FAM151B: variants seen among roughly 807,000 people sequenced by gnomAD.
FAM151B encodes the protein family with sequence similarity 151 member B.
FAM151B carries 24 observed loss-of-function variants against 31.2 expected under a neutral mutation model. That is an observed-to-expected ratio of 0.77 (90% CI 0.56 to 1.08). FAM151B has a LOEUF of 1.08. Among genes scored for constraint, FAM151B ranks in the 50% least tolerant of loss-of-function variants. The pLI, the probability that FAM151B is intolerant of heterozygous loss-of-function variation, is 0.00. For synonymous variants in FAM151B, 105 were observed against 111.4 expected (o/e 0.94, Z 0.36); for missense variants, 293 against 328.6 (o/e 0.89, Z 0.84).
Position 80,488,166 on chromosome 5 carries a change from G to A in FAM151B, c.25+18G>A. The A allele has an allele frequency of 1.3e-6, 2 of 1,540,640 alleles. No individual in the cohort carries two copies. Among genetic ancestry groups the A allele is most frequent in the South Asian group, 1.2e-5 (1 of 83,774 alleles). ...AGGCCCAGGTAAGCGCCGAGCGCGC[G>A]GCCTCTGCCTGGAGGTGGGGCGCTT... On this transcript the variant is annotated intron_variant, in intron 1 of 5. Transcript: ENST00000282226.
chr5:80,534,385 A>G (rs1387689496), intron 5 of FAM151B, among the ~76,000 whole-genome samples: 4 of 152,222 alleles, frequency 2.6e-5, no homozygotes, highest in Non-Finnish European at 5.9e-5. Context: ...GAATTCACCA[A>G]TACATTAAAA....
At chr5:80,538,398 T>TTC (rs1745628345) in intron 5 of FAM151B, among the ~76,000 whole-genome samples, 2 of 52,194 alleles carry the variant, frequency 3.8e-5, no homozygotes, top group African/African-American at 1.0e-4. Context: ...CTTTCTTTCT[T>TTC]TCTTTCTTTC....
intron 2 of FAM151B, chr5:80,511,004 G>A (rs1264537357): frequency 6.6e-6 from 1 of 152,196 alleles, no homozygotes; most frequent in Non-Finnish European, 1.5e-5. Context: ...ATAAGTGCAT[G>A]TGAAATGGAT....
chr5:80,537,457 T>TTG (rs1006591423), intron 5 of FAM151B, among the ~76,000 whole-genome samples: 5 of 152,158 alleles, frequency 3.3e-5, no homozygotes, highest in Admixed American at 2.6e-4. Flanking sequence ...TTCTCAGATT[T>TTG]TGTGTGTGTG....
At chr5:80,537,063 G>A (rs889516891) in intron 5 of FAM151B, among the ~76,000 whole-genome samples, 3 of 152,188 alleles carry the variant, frequency 2.0e-5, no homozygotes, top group African/African-American at 4.8e-5. Flanking sequence ...GTAACACAAA[G>A]GATAAATACC....
chr5:80,488,550 A>T (rs1052905716), intron 1 of FAM151B, among the ~76,000 whole-genome samples: 1 of 152,228 alleles, frequency 6.6e-6, no homozygotes, highest in Non-Finnish European at 1.5e-5. Context: ...CGGGCCCGGC[A>T]TAGTCCCGCT....
intron 2 of FAM151B, among the ~76,000 whole-genome samples, chr5:80,508,368 C>T (rs770826765): frequency 3.9e-5 from 6 of 152,092 alleles, no homozygotes; most frequent in Non-Finnish European, 7.3e-5. Context: ...AAAGTGCCTG[C>T]TCCTTTTTAC....
At chr5:80,521,460 A>G (rs563453939) in intron 4 of FAM151B, among the ~76,000 whole-genome samples, 1 of 152,218 alleles carries the variant, frequency 6.6e-6, no homozygotes, top group South Asian at 2.1e-4. Context: ...TATATGTAAA[A>G]TATATACATA....
chr5:80,502,849 G>C (rs991710148), intron 2 of FAM151B, among the ~76,000 whole-genome samples: 4 of 151,812 alleles, frequency 2.6e-5, no homozygotes, highest in African/African-American at 9.7e-5. Context: ...ATTTTGTCTT[G>C]TTTCATGTTG....
intron 2 of FAM151B, among the ~76,000 whole-genome samples, chr5:80,509,685 T>A (rs561756864): frequency 2.6e-5 from 4 of 152,332 alleles, no homozygotes; most frequent in African/African-American, 7.2e-5. Context: ...AAGTCCTGAT[T>A]TGGAAATATT....
chr5:80,530,342 C>G (rs1745176437), intron 5 of FAM151B, among the ~76,000 whole-genome samples: 1 of 152,016 alleles, frequency 6.6e-6, no homozygotes, highest in Admixed American at 6.6e-5. Context: ...GGGATGCCCT[C>G]TCTCACCACT....
chr5:80,494,485 T>C (rs1277934512), intron 1 of FAM151B, among the ~76,000 whole-genome samples: 2 of 144,876 alleles, frequency 1.4e-5, no homozygotes, highest in South Asian at 2.2e-4. Context: ...TCTTTCTTTC[T>C]TTCTTTCTTT....
intron 1 of FAM151B, among the ~76,000 whole-genome samples, chr5:80,489,989 A>G (rs2112591597): frequency 6.8e-6 from 1 of 147,964 alleles, no homozygotes; most frequent in South Asian, 2.1e-4. Context: ...TCTTAACCAG[A>G]TTCTTCCGTT....
chr5:80,524,101 T>A (rs1175376134), intron 5 of FAM151B, among the ~76,000 whole-genome samples: 1 of 152,110 alleles, frequency 6.6e-6, no homozygotes, highest in African/African-American at 2.4e-5. Context: ...AATTTTCAGT[T>A]CTCATGGAAA....
Position 80,519,694 on chromosome 5 carries a change from C to A in FAM151B, c.319C>A (p.Leu107Met). 1 of 1,611,658 alleles carries A rather than the reference C, an allele frequency of 6.2e-7. No homozygotes were observed. Among genetic ancestry groups the A allele is most frequent in the South Asian group, 1.1e-5 (1 of 90,432 alleles). Residue 107 changes from leucine (L) to methionine (M), a missense_variant and splice_region_variant, in exon 4 of 6, where the codon CTG (leucine) becomes ATG (methionine). By Grantham distance (15) the Leu-to-Met change is conservative. Coordinates refer to ENST00000282226, the MANE Select transcript of FAM151B (RefSeq NM_205548.3). ...ATTGACAACAAATTATGTTTTTAGTCTGGCAGTTGTAGAACCATCCATGAT... is the reference window on the plus strand; with the variant it reads ...ATTGACAACAAATTATGTTTTTAGTATGGCAGTTGTAGAACCATCCATGAT... ...NKGIKLDFKS[L>M]AVVEPSMMLL...
At chr5:80,517,946 C>T (rs62365357) in intron 3 of FAM151B, among the ~76,000 whole-genome samples, 63,269 of 151,632 alleles carry the variant, frequency 0.42, 14,483 homozygotes, top group East Asian at 0.6. Flanking sequence ...GTGGCGCATG[C>T]CTATAGTCCC....
intron 2 of FAM151B, among the ~76,000 whole-genome samples, chr5:80,507,344 A>G (rs889956923): frequency 6.6e-6 from 1 of 152,146 alleles, no homozygotes; most frequent in Non-Finnish European, 1.5e-5. Context: ...ATACAAGTAT[A>G]CTTTGATCCC....
intron 1 of FAM151B, among the ~76,000 whole-genome samples, chr5:80,494,468 C>CTTTCTTTCTTTCTTTCT (rs1561359207): frequency 2.3e-5 from 1 of 43,578 alleles, no homozygotes; most frequent in African/African-American, 8.2e-5. Context: ...TTCTTTCTTT[C>CTTTCTTTCTTTCTTTCT]TTTCTTTCTT....
chr5:80,521,043 C>G (rs535495969), intron 4 of FAM151B, among the ~76,000 whole-genome samples: 64 of 150,250 alleles, frequency 4.3e-4, no homozygotes, highest in Non-Finnish European at 6.2e-4. Flanking sequence ...TCTCAAACTC[C>G]TGACCTCCAG....
Sources: gnomAD v4.1 joint callset for allele counts (sites outside exome capture counted in the v4.1 genomes callset) on GRCh38, gnomAD v4.1.1 for gene constraint, MANE v1.5 for transcripts, NCBI Gene and HGNC (gene_info 2026-07-23, HGNC 2026-07-21) for gene names.